Variants in HRH1 observed in about 807,000 individuals in gnomAD.
HRH1 encodes histamine H1 receptor.
HRH1 carries 6 observed loss-of-function variants against 10.3 expected under a neutral mutation model. That is an observed-to-expected ratio of 0.58 (90% CI 0.32 to 1.15). HRH1 has a LOEUF of 1.15. HRH1 is among the 50% of genes most tolerant of loss of function. The pLI is 0.05. For synonymous variants in HRH1, 242 were observed against 236.7 expected, an observed-to-expected ratio of 1.02 and a Z score of -0.21; for missense variants, 514 against 615.3, an observed-to-expected ratio of 0.84 and a Z score of 1.74.
chr3:11,201,555 G>A (rs1351582202), intron 1 of HRH1, among the ~76,000 whole-genome samples: 1 of 152,174 alleles, frequency 6.6e-6, no homozygotes, highest in Non-Finnish European at 1.5e-5. Flanking sequence ...TAACAGTGGG[G>A]ATCAGAGTGA....
chr3:11,260,531 A>T lies in HRH1; in HGVS notation c.*30A>T. The T allele has an allele frequency of 1.3e-6, 2 of 1,534,548 alleles. No homozygotes were observed. The highest frequency in any genetic ancestry group is 1.8e-6 in the Non-Finnish European group (2 of 1,139,700). On this transcript the variant is annotated 3_prime_UTR_variant, in exon 2 of 2. Coordinates refer to ENST00000431010, the MANE Select transcript of HRH1 (RefSeq NM_001098212.2). Reference sequence around the variant, plus strand: ...GGCTCTGAGGGGATGCAACAAAATGATCCTTATGATGTCCAACAAGGAAAT... The same window carrying T: ...GGCTCTGAGGGGATGCAACAAAATGTTCCTTATGATGTCCAACAAGGAAAT...
chr3:11,139,675 C>A (rs1936254795), intron 1 of HRH1, among the ~76,000 whole-genome samples: 1 of 151,922 alleles, frequency 6.6e-6, no homozygotes, highest in African/African-American at 2.4e-5. Flanking sequence ...TATTATCGAG[C>A]CATAAAAAGG....
At chr3:11,256,127 G>T (rs572828929) in intron 1 of HRH1, among the ~76,000 whole-genome samples, 1 of 152,152 alleles carries the variant, frequency 6.6e-6, no homozygotes, top group Non-Finnish European at 1.5e-5. Flanking sequence ...CCCCGAGGCC[G>T]ACAGCACAGA....
At chr3:11,145,023 T>A (rs1936404431) in intron 1 of HRH1, among the ~76,000 whole-genome samples, 1 of 152,114 alleles carries the variant, frequency 6.6e-6, no homozygotes, top group African/African-American at 2.4e-5. Flanking sequence ...AAAGTCTTCC[T>A]CCTAAGTATC....
chr3:11,219,750 T>A (rs1409350780), intron 1 of HRH1, among the ~76,000 whole-genome samples: 8 of 150,194 alleles, frequency 5.3e-5, no homozygotes, highest in African/African-American at 2.0e-4. Context: ...GAAAATTTAA[T>A]TTAATGTGTA....
intron 1 of HRH1, among the ~76,000 whole-genome samples, chr3:11,241,117 TATAAA>T (rs1257022383): frequency 1.3e-5 from 2 of 152,220 alleles, no homozygotes; most frequent in Non-Finnish European, 2.9e-5. Flanking sequence ...TTTTCCCTAT[TATAAA>T]ATAAAGACAA....
chr3:11,218,895 T>G (rs1209072987), intron 1 of HRH1, among the ~76,000 whole-genome samples: 1 of 149,640 alleles, frequency 6.7e-6, no homozygotes, highest in Non-Finnish European at 1.5e-5. Flanking sequence ...TACTTATTTA[T>G]TTATTTATTT....
At chr3:11,207,547 C>T (rs937959587) in intron 1 of HRH1, among the ~76,000 whole-genome samples, 2 of 151,944 alleles carry the variant, frequency 1.3e-5, no homozygotes, top group South Asian at 2.1e-4. Flanking sequence ...CCAGCCTGGG[C>T]GACAGAGCGA....
intron 1 of HRH1, among the ~76,000 whole-genome samples, chr3:11,170,758 T>C (rs985461724): frequency 9.8e-5 from 15 of 152,308 alleles, no homozygotes; most frequent in South Asian, 2.1e-4. Context: ...GAGGATGAGG[T>C]ATGCCAGGAA....
intron 1 of HRH1, among the ~76,000 whole-genome samples, chr3:11,173,933 G>C (rs1937202653): frequency 6.6e-6 from 1 of 152,200 alleles, no homozygotes; most frequent in African/African-American, 2.4e-5. Context: ...CTTCCCGCAA[G>C]ACTGCCACTC....
At chr3:11,183,647 G>C (rs766678610) in intron 1 of HRH1, among the ~76,000 whole-genome samples, 56 of 152,104 alleles carry the variant, frequency 3.7e-4, no homozygotes, top group African/African-American at 1.4e-3. Context: ...CCACAGCTAA[G>C]GAAGACCTTC....
chr3:11,139,303 G>A (rs1404434072), intron 1 of HRH1, among the ~76,000 whole-genome samples: 1 of 149,464 alleles, frequency 6.7e-6, no homozygotes, highest in Non-Finnish European at 1.5e-5. Flanking sequence ...ATTTTGAGGT[G>A]GAATCTTGCT....
At chr3:11,234,331 C>G in intron 1 of HRH1, 1 of 1,585,904 alleles carries the variant, frequency 6.3e-7, no homozygotes, top group East Asian at 2.2e-5. Context: ...CTGGCTTCTT[C>G]TCTCTTTCCT....
At chr3:11,180,423 T>A (rs945741516) in intron 1 of HRH1, among the ~76,000 whole-genome samples, 3 of 152,132 alleles carry the variant, frequency 2.0e-5, no homozygotes, top group Non-Finnish European at 4.4e-5. Context: ...TCCCTCACAA[T>A]GCACAATTAT....
intron 1 of HRH1, among the ~76,000 whole-genome samples, chr3:11,145,248 C>A (rs897807459): frequency 6.6e-6 from 1 of 152,226 alleles, no homozygotes; most frequent in Non-Finnish European, 1.5e-5. Flanking sequence ...CCATTGACAT[C>A]TGTGGCTTCG....
intron 1 of HRH1, among the ~76,000 whole-genome samples, chr3:11,227,055 C>T (rs1938906678): frequency 6.6e-6 from 1 of 152,118 alleles, no homozygotes; most frequent in Admixed American, 6.5e-5. Flanking sequence ...GATCATTTGG[C>T]TTCTGTGTGA....
intron 1 of HRH1, among the ~76,000 whole-genome samples, chr3:11,143,938 A>C (rs531202691): frequency 2.6e-5 from 4 of 152,228 alleles, no homozygotes; most frequent in Non-Finnish European, 5.9e-5. Flanking sequence ...TGGCCAAAAA[A>C]ATATAAAAAA....
chr3:11,146,649 A>G (rs1297797589), intron 1 of HRH1, among the ~76,000 whole-genome samples: 1 of 152,128 alleles, frequency 6.6e-6, no homozygotes, highest in Admixed American at 6.5e-5. Flanking sequence ...CATGGTCCTG[A>G]GCTTGGAGAC....
At chr3:11,157,398 T>C (rs935953841) in intron 1 of HRH1, among the ~76,000 whole-genome samples, 1 of 152,232 alleles carries the variant, frequency 6.6e-6, no homozygotes. Flanking sequence ...TGATCCAAGA[T>C]GTTTTATCTG....
Sources: allele counts gnomAD v4.1 joint callset (sites outside exome capture counted in the v4.1 genomes callset), GRCh38; gene constraint gnomAD v4.1.1; transcripts MANE v1.5; gene names NCBI Gene and HGNC (gene_info 2026-07-23, HGNC 2026-07-21).